ZNF429: variants seen among roughly 807,000 people sequenced by gnomAD.
The protein encoded by ZNF429 is zinc finger protein 429.
ZNF429 carries 53 observed loss-of-function variants against 56.8 expected under a neutral mutation model. The observed-to-expected ratio is 0.93, with a 90% CI of 0.75 to 1.17. The LOEUF (loss-of-function observed/expected upper bound fraction) is 1.17, where lower values mean the gene tolerates loss of function less well. ZNF429 is among the 50% of genes most tolerant of loss of function. The pLI is 0.00. For missense variants in ZNF429, 849 were observed against 788.4 expected (o/e 1.08, Z -0.92); for synonymous variants, 278 against 264.7 (o/e 1.05, Z -0.49).
chr19:21,535,351 T>TC lies in ZNF429; in HGVS notation c.227-929_227-928insC. Among the ~76,000 whole-genome samples the TC allele has an allele frequency of 7.6e-3, 712 of 94,206 alleles. 51 individuals carry two copies. The highest frequency in any genetic ancestry group is 0.014 in the African/African-American group (321 of 22,186). 61.8% of individuals were successfully genotyped at this position (94,206 alleles called of 152,430 possible). ...TCTCTTTTCTTTTCTTTCCTTTCCT[T>TC]TCTTTTCTTCTTTCTTTCTTTCTTT... On this transcript the variant is annotated intron_variant, in intron 3 of 3. Coordinates refer to ENST00000358491, the MANE Select transcript of ZNF429 (RefSeq NM_001001415.4).
intron 1 of ZNF429, chr19:21,521,815 C>CT (rs2032994748): frequency 6.6e-6 from 1 of 152,194 alleles, no homozygotes; most frequent in South Asian, 2.1e-4. Context: ...TAACTAGAAA[C>CT]TGAGGCTGAA....
rs2033886039 is a variant in ZNF429 at position 21,540,529 on chromosome 19, A to G, written c.*2451A>G. Among the ~76,000 whole-genome samples the G allele has an allele frequency of 6.6e-6, 1 of 152,088 alleles. No homozygotes were observed. Among genetic ancestry groups the G allele is most frequent in the African/African-American group, 2.4e-5 (1 of 41,444 alleles). On this transcript the variant is annotated 3_prime_UTR_variant, in exon 4 of 4. Transcript: ENST00000358491. ...AAATTATGTAGCCATTACTTGTAAC[A>G]TTTATCTTTTACAAACAACTCAATT...
chr19:21,535,448 C>CTT, intron 3 of ZNF429, among the ~76,000 whole-genome samples: 1 of 54,428 alleles, frequency 1.8e-5, no homozygotes, highest in African/African-American at 9.1e-5. Context: ...TTCTTTCTTT[C>CTT]TTTCTTTCTT....
chr19:21,537,188 A>C lies in ZNF429; in HGVS notation c.1135A>C (p.Asn379His), dbSNP rs745448569. Residue 379 changes from asparagine to histidine, a missense_variant, in exon 4 of 4, where the codon AAC becomes CAC. By Grantham distance (68) the Asn-to-His change is moderately conservative. Transcript: ENST00000358491. ...ATGTGAAGAATGTGGCAAAGCTTTT[A>C]ACCAGTCTTCAAGACTTACTCGACA... ...YKCEECGKAF[N>H]QSSRLTRHKK... 6.2e-7 allele frequency: 1 copy of C among 1,613,976 alleles called. No individual in the cohort carries two copies. Among genetic ancestry groups the C allele is most frequent in the Non-Finnish European group, 8.5e-7 (1 of 1,179,924 alleles).
At chr19:21,506,507 C>G (rs1254287762) in intron 1 of ZNF429, among the ~76,000 whole-genome samples, 5 of 149,074 alleles carry the variant, frequency 3.4e-5, no homozygotes, top group African/African-American at 1.2e-4. Context: ...AAGAGTGGTT[C>G]TAAAATTGTA....
In ZNF429 at chr19:21,535,733, T is replaced by C; in HGVS notation, c.227-547T>C. 2.6e-5 allele frequency among the ~76,000 whole-genome samples: 4 copies of C among 151,484 alleles called. No individual in the cohort carries two copies. In the South Asian group the frequency reaches 6.3e-4, roughly 24 times the overall value. ...GTTTCACCATGTTGGCCAGGCTGGT[T>C]TCGAACTCCTGACTTTATGATCTGC... On this transcript the variant is annotated intron_variant, in intron 3 of 3. Transcript: ENST00000358491.
chr19:21,522,660 G>A (rs892559338), intron 1 of ZNF429, among the ~76,000 whole-genome samples: 1 of 152,112 alleles, frequency 6.6e-6, no homozygotes, highest in African/African-American at 2.4e-5. Flanking sequence ...ACTTTGGGAG[G>A]CCAAGATGGG....
At position 21,505,665 on chromosome 19, in the gene ZNF429, T is replaced by TC. The variant is rs1263768329; in HGVS notation, c.-106dup. On this transcript the variant is annotated 5_prime_UTR_variant, in exon 1 of 4. The change creates a premature stop within an existing upstream ORF in the 5' untranslated region. Coordinates refer to ENST00000358491, the MANE Select transcript of ZNF429 (RefSeq NM_001001415.4). The stretch of plus-strand genomic sequence containing the variant: ...GCAGCCAGAGCTCCAGGTCTCGTCT[T>TC]CATTTCTGTGTCCTTTGTTCTTAGA... The TC allele has an allele frequency of 5.5e-6, 7 of 1,278,164 alleles. No individual in the cohort carries two copies. Among genetic ancestry groups the TC allele is most frequent in the South Asian group, 5.5e-5 (4 of 73,190 alleles). 79.2% of individuals were successfully genotyped at this position (1,278,164 alleles called of 1,614,324 possible).
intron 1 of ZNF429, among the ~76,000 whole-genome samples, chr19:21,527,845 A>T (rs1317396501): frequency 1.3e-5 from 2 of 152,158 alleles, no homozygotes; most frequent in African/African-American, 4.8e-5. Flanking sequence ...ATTTTACAGA[A>T]ATTGGAAAAA....
At chr19:21,514,592 T>C (rs892734877) in intron 1 of ZNF429, among the ~76,000 whole-genome samples, 1 of 151,890 alleles carries the variant, frequency 6.6e-6, no homozygotes, top group African/African-American at 2.4e-5. Flanking sequence ...CACACACATA[T>C]ATATATTTTT....
intron 1 of ZNF429, among the ~76,000 whole-genome samples, chr19:21,513,813 C>T (rs1160517091): frequency 2.6e-5 from 4 of 152,256 alleles, no homozygotes; most frequent in African/African-American, 7.2e-5. Flanking sequence ...GACAGACTCC[C>T]TTTTCCTGCA....
Position 21,537,211 on chromosome 19 carries a change from A to G in ZNF429, c.1158A>G (p.Arg386=), listed in dbSNP as rs768536320. The G allele has an allele frequency of 5.0e-6, 8 of 1,613,590 alleles. No homozygotes were observed. In the African/African-American group the frequency reaches 9.4e-5, roughly 19 times the overall value. Residue 386 remains arginine (R), a synonymous_variant, in exon 4 of 4, where the codon CGA becomes CGG. Transcript: ENST00000358491. ...TTAACCAGTCTTCAAGACTTACTCG[A>G]CATAAAAAAATTCATACTGGAGAGG... ...KAFNQSSRLT[R]HKKIHTGEEP...
chr19:21,511,121 C>T (rs1424560163), intron 1 of ZNF429, among the ~76,000 whole-genome samples: 19 of 152,308 alleles, frequency 1.2e-4, no homozygotes, highest in East Asian at 1.2e-3. Flanking sequence ...GGGTGGTGGC[C>T]GGGCAGAGGG....
In ZNF429 at chr19:21,538,129, A is replaced by C; in HGVS notation, c.*51A>C. The C allele has an allele frequency of 1.6e-6, 1 of 637,102 alleles. No homozygotes were observed. Among genetic ancestry groups the C allele is most frequent in the African/African-American group, 2.3e-5 (1 of 42,978 alleles). The allele number at this position is 637,102 out of a possible 1,614,324, so 39.5% of individuals were successfully genotyped here. A position where few individuals can be genotyped will look rare whatever the true frequency, so the allele number is the denominator to read the frequency against. ...AAATACAAAAAAAAAAAAAAAAAAA[A>C]TTAGCCAGGCGTGGTGGTGGGCACT... On this transcript the variant is annotated 3_prime_UTR_variant, in exon 4 of 4. Transcript: ENST00000358491.
intron 1 of ZNF429, among the ~76,000 whole-genome samples, chr19:21,515,551 AT>A (rs918671477): frequency 3.3e-5 from 5 of 150,136 alleles, no homozygotes; most frequent in East Asian, 2.0e-4. Flanking sequence ...GTTTACTCTG[AT>A]TTTTTTTTGT....
chr19:21,506,500 AGTG>A (rs2032163471), intron 1 of ZNF429, among the ~76,000 whole-genome samples: 1 of 150,616 alleles, frequency 6.6e-6, no homozygotes, highest in Non-Finnish European at 1.5e-5. Context: ...TTAATTAAAG[AGTG>A]GTTCTAAAAT....
chr19:21,527,148 C>T (rs1197725987), intron 1 of ZNF429, among the ~76,000 whole-genome samples: 1 of 152,196 alleles, frequency 6.6e-6, no homozygotes, highest in East Asian at 1.9e-4. Context: ...CTAACTAATA[C>T]TAATGGTGAG....
intron 3 of ZNF429, among the ~76,000 whole-genome samples, chr19:21,535,335 TTTTCTTTCCTTTC>T: frequency 1.7e-5 from 1 of 59,026 alleles, no homozygotes; most frequent in Non-Finnish European, 3.3e-5. Context: ...TTCTCTTTTC[TTTTCTTTCCTTTC>T]CTTTCTTTTC....
intron 1 of ZNF429, among the ~76,000 whole-genome samples, chr19:21,516,893 G>T (rs1366653338): frequency 6.6e-6 from 1 of 152,146 alleles, no homozygotes; most frequent in African/African-American, 2.4e-5. Flanking sequence ...TGCAAACAGG[G>T]TTAGTTTCCT....
Sources: allele counts gnomAD v4.1 joint callset (sites outside exome capture counted in the v4.1 genomes callset), GRCh38; gene constraint gnomAD v4.1.1; transcripts MANE v1.5; gene names NCBI Gene and HGNC (gene_info 2026-07-23, HGNC 2026-07-21).